Variants in SLC25A12 observed in about 807,000 individuals in gnomAD.
The protein encoded by SLC25A12 is electrogenic aspartate/glutamate antiporter SLC25A12, mitochondrial.
In SLC25A12, 32 loss-of-function variants were observed where a neutral mutation model predicts 83.3. The ratio of observed to expected loss-of-function variants is 0.38; its 90% CI spans 0.29 to 0.52. The LOEUF is 0.52. Among genes scored for constraint, SLC25A12 ranks in the 20% least tolerant of loss-of-function variants. The pLI, the probability that SLC25A12 is intolerant of heterozygous loss-of-function variation, is 0.84. For missense variants in SLC25A12, 611 were observed against 835.6 expected, an observed-to-expected ratio of 0.73 and a Z score of 3.31; for synonymous variants, 267 against 291.1, an observed-to-expected ratio of 0.92 and a Z score of 0.84.
At position 171,837,068 on chromosome 2, in the gene SLC25A12, T is replaced by C. The variant is rs530602769; in HGVS notation, c.612+53A>G. On this transcript the variant is annotated intron_variant, in intron 6 of 17. Coordinates refer to ENST00000422440, the MANE Select transcript of SLC25A12 (RefSeq NM_003705.5). ...TCCCTGGAGGCAATCCAGGACTCAA[T>C]GGATCAAAAGGTTTGAGGAAATAGA... 12 of 1,590,734 alleles carry C rather than the reference T, an allele frequency of 7.5e-6. 1 individual carries two copies. In the Middle Eastern group the frequency reaches 5.0e-4, roughly 67 times the overall value.
chr2:171,810,342 C>T, intron 11 of SLC25A12, 66 bp from the exon 12 acceptor site: 1 of 1,252,858 alleles, frequency 8.0e-7, no homozygotes, highest in Non-Finnish European at 1.2e-6. Context: ...AGCCCAGCAA[C>T]AAAGAGTTTC....
At chr2:171,792,255 C>CT (rs1259629370) in intron 14 of SLC25A12, among the ~76,000 whole-genome samples, 1 of 151,690 alleles carries the variant, frequency 6.6e-6, no homozygotes, top group Non-Finnish European at 1.5e-5. Context: ...CACCTTGGCG[C>CT]TTGTTTTTTT....
In SLC25A12 at chr2:171,784,058, G is replaced by A. The variant is rs1376654467; in HGVS notation, c.*1216C>T. 6.6e-6 allele frequency among the ~76,000 whole-genome samples: 1 copy of A among 152,212 alleles called. No homozygotes were observed. The highest frequency in any genetic ancestry group is 6.5e-5 in the Admixed American group (1 of 15,286). ...CATCAAATCACATCCATATCAAAGT[G>A]TAGATGTGGCTGTCAAGATCTATGT... is the stretch of plus-strand genomic sequence containing the variant. On this transcript the variant is annotated 3_prime_UTR_variant, in exon 18 of 18. Transcript: ENST00000422440.
chr2:171,880,102 T>C (rs1363996482), intron 2 of SLC25A12, among the ~76,000 whole-genome samples: 1 of 152,222 alleles, frequency 6.6e-6, no homozygotes, highest in Non-Finnish European at 1.5e-5. Flanking sequence ...GTCTGAGAAC[T>C]GCTTCAAAAT....
chr2:171,791,635 G>A, intron 14 of SLC25A12, 46 bp from the exon 15 acceptor site: 1 of 1,586,832 alleles, frequency 6.3e-7, no homozygotes, highest in Non-Finnish European at 8.7e-7. Flanking sequence ...GAAACTGAGT[G>A]TGAATGCCCA....
chr2:171,827,286 A>G (rs185046801), intron 8 of SLC25A12, among the ~76,000 whole-genome samples: 1 of 150,658 alleles, frequency 6.6e-6, no homozygotes, highest in Non-Finnish European at 1.5e-5. Context: ...GGAAAGGAAC[A>G]AGGGTATGAG....
intron 8 of SLC25A12, among the ~76,000 whole-genome samples, chr2:171,827,608 G>A (rs1010319897): frequency 1.3e-5 from 2 of 152,222 alleles, no homozygotes; most frequent in African/African-American, 4.8e-5. Flanking sequence ...AACCCCGGAA[G>A]ATTTGCAACT....
chr2:171,796,916 G>A (rs1486707159), intron 13 of SLC25A12, among the ~76,000 whole-genome samples: 1 of 152,148 alleles, frequency 6.6e-6, no homozygotes, highest in Non-Finnish European at 1.5e-5. Context: ...TGGGGATAGG[G>A]AAGGGGGAGT....
rs1435742969 is a variant in SLC25A12, at chr2:171,785,352, A to C, written c.1959T>G (p.Phe653Leu). ...ACTTAAATTTCGGGAGATAAAGGCC[A>C]AATTTGTTTTCGATGCCTGCAAACG... is the stretch of plus-strand genomic sequence containing the variant. ...TATFAGIENKFGLYLPKFKSP... is the reference protein window; with the variant it reads ...TATFAGIENKLGLYLPKFKSP... Residue 653 changes from phenylalanine to leucine, a missense_variant, in exon 18 of 18, where the codon TTT becomes TTG. Phe to Leu is a conservative substitution (Grantham distance 22). Coordinates refer to ENST00000422440, the MANE Select transcript of SLC25A12 (RefSeq NM_003705.5). 2.5e-6 allele frequency: 4 copies of C among 1,614,224 alleles called. No homozygotes were observed. The highest frequency in any genetic ancestry group is 2.5e-6 in the Non-Finnish European group (3 of 1,180,038).
chr2:171,855,766 T>C (rs1200956914), intron 4 of SLC25A12, 68 bp downstream of exon 4: 5 of 898,104 alleles, frequency 5.6e-6, no homozygotes, highest in Non-Finnish European at 9.5e-6. Flanking sequence ...TATTAGTTAC[T>C]AGATTCAGCA....
intron 3 of SLC25A12, among the ~76,000 whole-genome samples, chr2:171,865,150 C>T (rs1336821153): frequency 1.3e-5 from 2 of 152,048 alleles, no homozygotes; most frequent in Non-Finnish European, 2.9e-5. Context: ...GTACCTGAGG[C>T]ATAGCAGGCA....
chr2:171,813,860 A>G (rs1267442601), intron 10 of SLC25A12, among the ~76,000 whole-genome samples: 1 of 152,236 alleles, frequency 6.6e-6, no homozygotes, highest in Non-Finnish European at 1.5e-5. Flanking sequence ...TTTCCATTAA[A>G]TGCTTAAATA....
intron 2 of SLC25A12, among the ~76,000 whole-genome samples, chr2:171,890,780 G>A (rs2105935789): frequency 6.6e-6 from 1 of 152,226 alleles, no homozygotes. Flanking sequence ...ACTGCACTCA[G>A]CCTATATTGT....
chr2:171,787,536 G>A lies in SLC25A12; in HGVS notation c.1835+35C>T, dbSNP rs184727957. ...AACAAACATTTGTTTTGGACTTAGT[G>A]ATTTCTTTGTAAAGGAGTTGAGCAG... is the stretch of plus-strand genomic sequence containing the variant. On this transcript the variant is annotated intron_variant, in intron 17 of 17. Transcript: ENST00000422440. The A allele has an allele frequency of 6.6e-5, 97 of 1,476,296 alleles. No homozygotes were observed. The East Asian group carries it at 2.0e-3, about 31-fold the overall frequency. 91.4% of individuals were successfully genotyped at this position (1,476,296 alleles called of 1,614,324 possible). A position where few individuals can be genotyped will look rare whatever the true frequency, so the allele number is the denominator to read the frequency against.
chr2:171,800,209 T>C (rs1051826033), intron 13 of SLC25A12, among the ~76,000 whole-genome samples: 1 of 151,916 alleles, frequency 6.6e-6, no homozygotes, highest in Admixed American at 6.6e-5. Context: ...CAAAAAAATA[T>C]CCACAACACA....
At chr2:171,794,590 GAA>G (rs11450885) in intron 13 of SLC25A12, among the ~76,000 whole-genome samples, 2 of 135,194 alleles carry the variant, frequency 1.5e-5, no homozygotes, top group African/African-American at 2.6e-5. Flanking sequence ...AACTAGTAGA[GAA>G]AAAAAAAAAA....
intron 3 of SLC25A12, among the ~76,000 whole-genome samples, chr2:171,857,197 C>T (rs1319233768): frequency 6.6e-6 from 1 of 151,784 alleles, no homozygotes; most frequent in East Asian, 1.9e-4. Context: ...GAGACTCCAC[C>T]TCTACAAAAA....
chr2:171,787,381 A>G (rs2105832060), intron 17 of SLC25A12, among the ~76,000 whole-genome samples, 190 bp downstream of exon 17: 1 of 152,330 alleles, frequency 6.6e-6, no homozygotes, highest in African/African-American at 2.4e-5. Context: ...AATATTATGT[A>G]CGATGTCACT....
At chr2:171,855,746 C>A in intron 4 of SLC25A12, 88 bp downstream of exon 4, 1 of 816,468 alleles carries the variant, frequency 1.2e-6, no homozygotes, top group African/African-American at 1.7e-5. Flanking sequence ...CCCAAATAAG[C>A]AGTAATCTAT....
Sources: gnomAD v4.1 joint callset for allele counts (sites outside exome capture counted in the v4.1 genomes callset) on GRCh38, gnomAD v4.1.1 for gene constraint, MANE v1.5 for transcripts, NCBI Gene and HGNC (gene_info 2026-07-23, HGNC 2026-07-21) for gene names.